ADAMTSL1: variants seen among roughly 807,000 people sequenced by gnomAD.
The protein encoded by ADAMTSL1 is ADAMTS-like protein 1.
In ADAMTSL1, 126 loss-of-function variants were observed where a neutral mutation model predicts 201.8. That is an observed-to-expected ratio of 0.62 (90% CI 0.54 to 0.72). The LOEUF (loss-of-function observed/expected upper bound fraction) is 0.72, where lower values mean the gene tolerates loss of function less well. ADAMTSL1 is among the 30% of genes least tolerant of loss of function. ADAMTSL1 has a pLI of 0.00. For synonymous variants in ADAMTSL1, 1,121 were observed against 903.4 expected (o/e 1.24, Z -4.32); for missense variants, 2,679 against 2,277.8 (o/e 1.18, Z -3.59).
At chr9:18,339,875 T>C (rs1047902947) in intron 2 of ADAMTSL1, among the ~76,000 whole-genome samples, 2 of 152,170 alleles carry the variant, frequency 1.3e-5, no homozygotes, top group Non-Finnish European at 2.9e-5. Flanking sequence ...ATTCTCATTT[T>C]CTGCCCCATC....
chr9:18,410,843 C>CTTTTT (rs1371481573), intron 2 of ADAMTSL1, among the ~76,000 whole-genome samples: 1 of 110,666 alleles, frequency 9.0e-6, no homozygotes, highest in Non-Finnish European at 1.9e-5. Context: ...CTGTCTTCTT[C>CTTTTT]TTCTTTTTTT....
chr9:18,647,904 C>A (rs7847776), intron 7 of ADAMTSL1, among the ~76,000 whole-genome samples: 1 of 148,876 alleles, frequency 6.7e-6, no homozygotes, highest in Admixed American at 6.7e-5. Flanking sequence ...CTATTAGGTC[C>A]GCTTGGTGCA....
At chr9:18,656,329 A>T (rs574649635) in intron 7 of ADAMTSL1, among the ~76,000 whole-genome samples, 2 of 152,004 alleles carry the variant, frequency 1.3e-5, no homozygotes, top group Non-Finnish European at 2.9e-5. Flanking sequence ...ATTATGGGCA[A>T]TTAAGAAAAT....
intron 19 of ADAMTSL1, among the ~76,000 whole-genome samples, chr9:18,791,229 C>T (rs1822021046): frequency 6.6e-6 from 1 of 152,184 alleles, no homozygotes; most frequent in Non-Finnish European, 1.5e-5. Context: ...CCTGGCGGTG[C>T]TTCCCAGAGA....
At chr9:18,758,353 G>A (rs538994834) in intron 16 of ADAMTSL1, among the ~76,000 whole-genome samples, 8 of 152,310 alleles carry the variant, frequency 5.3e-5, no homozygotes, top group South Asian at 2.1e-4. Flanking sequence ...TCATCTGTAC[G>A]TTGGCTTCCT....
At chr9:18,366,563 A>G (rs893642103) in intron 2 of ADAMTSL1, among the ~76,000 whole-genome samples, 1 of 149,426 alleles carries the variant, frequency 6.7e-6, no homozygotes, top group Non-Finnish European at 1.5e-5. Context: ...GTGGTATGTT[A>G]ATATTATTTT....
chr9:17,974,685 T>C (rs2131441476), intron 1 of ADAMTSL1, among the ~76,000 whole-genome samples: 1 of 152,206 alleles, frequency 6.6e-6, no homozygotes, highest in South Asian at 2.1e-4. Flanking sequence ...TTGTTTTAAA[T>C]GGCAGGATCT....
chr9:18,688,800 C>G (rs1399164970), intron 13 of ADAMTSL1, among the ~76,000 whole-genome samples: 4 of 144,486 alleles, frequency 2.8e-5, no homozygotes, highest in African/African-American at 1.0e-4. Context: ...ATGGAGTTGC[C>G]TGGTTCAAAT....
chr9:17,931,483 C>A (rs1332163955), intron 1 of ADAMTSL1, among the ~76,000 whole-genome samples: 2 of 152,164 alleles, frequency 1.3e-5, no homozygotes, highest in South Asian at 4.1e-4. Context: ...CATTTAGAGA[C>A]AAACTACAAC....
chr9:18,230,944 A>T (rs1258753910), intron 2 of ADAMTSL1, among the ~76,000 whole-genome samples: 1 of 151,964 alleles, frequency 6.6e-6, no homozygotes, highest in Non-Finnish European at 1.5e-5. Context: ...TCCTTGGGGG[A>T]ATTTTCTCAT....
intron 23 of ADAMTSL1, among the ~76,000 whole-genome samples, chr9:18,882,259 C>T (rs7872255): frequency 0.021 from 3,249 of 152,114 alleles, 107 homozygotes; most frequent in African/African-American, 0.073. Flanking sequence ...TCATATTTAC[C>T]GACTAAAATC....
chr9:18,011,453 C>T (rs1447570896), intron 1 of ADAMTSL1, among the ~76,000 whole-genome samples: 1 of 151,910 alleles, frequency 6.6e-6, no homozygotes, highest in Non-Finnish European at 1.5e-5. Context: ...ACACTCATGC[C>T]TAGGAGAGGA....
chr9:18,000,092 T>G (rs996516422), intron 1 of ADAMTSL1, among the ~76,000 whole-genome samples: 7 of 150,634 alleles, frequency 4.6e-5, no homozygotes. Context: ...TATAGCAGCA[T>G]GATTTATAGT....
intron 20 of ADAMTSL1, among the ~76,000 whole-genome samples, chr9:18,816,869 G>A (rs1823888702): frequency 6.6e-6 from 1 of 151,538 alleles, no homozygotes; most frequent in Non-Finnish European, 1.5e-5. Flanking sequence ...GATCAGATCT[G>A]GGCAATTAGC....
intron 2 of ADAMTSL1, among the ~76,000 whole-genome samples, chr9:18,434,065 G>A (rs1819614576): frequency 6.6e-6 from 1 of 152,184 alleles, no homozygotes; most frequent in African/African-American, 2.4e-5. Context: ...TCCTACACAG[G>A]AAGAATAGCT....
intron 15 of ADAMTSL1, 63 bp downstream of exon 15, chr9:18,721,728 G>A: frequency 6.4e-7 from 1 of 1,571,942 alleles, no homozygotes. Context: ...GCATCTTTCA[G>A]TGGGCAAGAC....
chr9:18,714,858 T>G (rs1031084267), intron 14 of ADAMTSL1, among the ~76,000 whole-genome samples: 3 of 151,292 alleles, frequency 2.0e-5, no homozygotes, highest in Non-Finnish European at 4.4e-5. Context: ...AGTAAAATAC[T>G]GGCAAACCAA....
chr9:18,842,703 A>G (rs1825805690), intron 23 of ADAMTSL1, among the ~76,000 whole-genome samples: 1 of 152,170 alleles, frequency 6.6e-6, no homozygotes, highest in Non-Finnish European at 1.5e-5. Context: ...GACTTGCTTT[A>G]TGAATCTGGG....
intron 2 of ADAMTSL1, among the ~76,000 whole-genome samples, chr9:18,272,943 G>C (rs1474920716): frequency 6.6e-6 from 1 of 152,140 alleles, no homozygotes; most frequent in Non-Finnish European, 1.5e-5. Flanking sequence ...ATTTTTAATG[G>C]GTAAGTGCAT....
Sources: allele counts gnomAD v4.1 joint callset (sites outside exome capture counted in the v4.1 genomes callset), GRCh38; gene constraint gnomAD v4.1.1; transcripts MANE v1.5; gene names NCBI Gene and HGNC (gene_info 2026-07-23, HGNC 2026-07-21).